The following KCNB2 variants were observed in gnomAD, a reference collection of about 807,000 sequenced individuals.
KCNB2 encodes the protein potassium voltage-gated channel subfamily B member 2.
In KCNB2, 15 loss-of-function variants were observed where a neutral mutation model predicts 61.5. The observed-to-expected ratio is 0.24, with a 90% CI of 0.16 to 0.38. The LOEUF (loss-of-function observed/expected upper bound fraction) is 0.38. Among genes scored for constraint, KCNB2 ranks in the 10% least tolerant of loss-of-function variants. The pLI is 1.00. For synonymous variants in KCNB2, 457 were observed against 446.0 expected (o/e 1.02, Z -0.31); for missense variants, 828 against 1,125.2 (o/e 0.74, Z 3.78).
At chr8:72,643,462 G>A (rs1056298955) in intron 2 of KCNB2, among the ~76,000 whole-genome samples, 3 of 152,032 alleles carry the variant, frequency 2.0e-5, no homozygotes, top group Admixed American at 6.6e-5. Context: ...GTTTCTTTCT[G>A]CCCATTTTGT....
At chr8:72,671,161 A>G (rs1806558638) in intron 2 of KCNB2, among the ~76,000 whole-genome samples, 1 of 152,182 alleles carries the variant, frequency 6.6e-6, no homozygotes, top group Non-Finnish European at 1.5e-5. Flanking sequence ...TGTTGCCTTC[A>G]CTACAGATAC....
intron 2 of KCNB2, among the ~76,000 whole-genome samples, chr8:72,791,321 A>G (rs759460173): frequency 3.3e-5 from 5 of 152,118 alleles, no homozygotes; most frequent in Non-Finnish European, 7.4e-5. Context: ...GGACCAAGTT[A>G]GGTGGATCAC....
At chr8:72,742,541 G>GC (rs1195515016) in intron 2 of KCNB2, among the ~76,000 whole-genome samples, 1 of 152,172 alleles carries the variant, frequency 6.6e-6, no homozygotes, top group African/African-American at 2.4e-5. Flanking sequence ...ACGCTGGCCT[G>GC]CTGCCTCTCT....
intron 2 of KCNB2, among the ~76,000 whole-genome samples, chr8:72,610,037 G>A (rs1319038329): frequency 1.3e-5 from 2 of 151,990 alleles, no homozygotes; most frequent in African/African-American, 4.8e-5. Flanking sequence ...ACCTTCTAAA[G>A]TGTAATCACT....
chr8:72,567,236 C>G (rs1242553928), intron 1 of KCNB2, among the ~76,000 whole-genome samples: 1 of 151,890 alleles, frequency 6.6e-6, no homozygotes, highest in African/African-American at 2.4e-5. Context: ...CATCTGAGCC[C>G]AAGAGATCAA....
intron 2 of KCNB2, among the ~76,000 whole-genome samples, chr8:72,705,614 G>A (rs1403714590): frequency 1.3e-5 from 2 of 152,228 alleles, no homozygotes; most frequent in Non-Finnish European, 2.9e-5. Context: ...AAGTTTGGGT[G>A]TAGTGTAGTG....
chr8:72,575,886 T>C (rs1806787251), intron 2 of KCNB2, among the ~76,000 whole-genome samples: 1 of 152,216 alleles, frequency 6.6e-6, no homozygotes, highest in Non-Finnish European at 1.5e-5. Flanking sequence ...TTAAAGAGTT[T>C]GAAATTCATA....
At chr8:72,914,855 C>A (rs143629161) in intron 2 of KCNB2, among the ~76,000 whole-genome samples, 1 of 151,424 alleles carries the variant, frequency 6.6e-6, no homozygotes, top group South Asian at 2.1e-4. Flanking sequence ...CATATCCTGA[C>A]GATTGAGGAG....
intron 2 of KCNB2, among the ~76,000 whole-genome samples, chr8:72,791,089 T>C (rs568531369): frequency 6.6e-6 from 1 of 152,194 alleles, no homozygotes; most frequent in African/African-American, 2.4e-5. Context: ...GGAGAGATTC[T>C]TAAAATGTGA....
chr8:72,685,733 T>G lies in KCNB2; in HGVS notation c.579+117420T>G, dbSNP rs377084706. Among the ~76,000 whole-genome samples, 887 of 152,316 alleles carry G rather than the reference T, an allele frequency of 5.8e-3. 11 individuals carry two copies. In the Middle Eastern group the frequency reaches 0.082, roughly 14 times the overall value. ...GGCCGGGTGCAGTGGCTCACGCCTG[T>G]AATCCCAGCACTTTGGGAGGCCGAG... On this transcript the variant is annotated intron_variant, in intron 2 of 2. Transcript: ENST00000523207.
intron 2 of KCNB2, among the ~76,000 whole-genome samples, chr8:72,668,669 A>G (rs915704294): frequency 7.2e-5 from 11 of 152,184 alleles, no homozygotes; most frequent in Admixed American, 5.9e-4. Flanking sequence ...ACCACCTGAC[A>G]TAAGTAGGTC....
intron 2 of KCNB2, among the ~76,000 whole-genome samples, chr8:72,656,731 A>C (rs796494536): frequency 6.6e-6 from 1 of 152,182 alleles, no homozygotes; most frequent in Admixed American, 6.6e-5. Context: ...GATGCAGACT[A>C]TCTTTTGTAT....
chr8:72,617,088 G>A (rs1339879685), intron 2 of KCNB2, among the ~76,000 whole-genome samples: 1 of 152,144 alleles, frequency 6.6e-6, no homozygotes, highest in Non-Finnish European at 1.5e-5. Flanking sequence ...ATAATAAAGG[G>A]TCACAGACAC....
chr8:72,917,632 G>T (rs974248589), intron 2 of KCNB2, among the ~76,000 whole-genome samples: 1 of 152,184 alleles, frequency 6.6e-6, no homozygotes, highest in African/African-American at 2.4e-5. Flanking sequence ...AAAGGAAAAA[G>T]ATGGTTATAT....
intron 2 of KCNB2, among the ~76,000 whole-genome samples, chr8:72,806,734 C>A (rs1049931192): frequency 5.3e-5 from 8 of 152,100 alleles, no homozygotes; most frequent in Admixed American, 2.0e-4. Flanking sequence ...CCAGTGTGCA[C>A]CTGAACCAGG....
intron 2 of KCNB2, among the ~76,000 whole-genome samples, chr8:72,604,490 T>G (rs1234870916): frequency 6.6e-6 from 1 of 152,176 alleles, no homozygotes; most frequent in Non-Finnish European, 1.5e-5. Context: ...CTCAGTTGCC[T>G]TATCTTGAAA....
chr8:72,579,311 T>A (rs183640145), intron 2 of KCNB2, among the ~76,000 whole-genome samples: 1 of 152,330 alleles, frequency 6.6e-6, no homozygotes, highest in Admixed American at 6.5e-5. Flanking sequence ...TGGTTGTAAA[T>A]CTTTTCATGA....
chr8:72,609,110 A>G (rs1164415499), intron 2 of KCNB2, among the ~76,000 whole-genome samples: 4 of 152,202 alleles, frequency 2.6e-5, no homozygotes, highest in Non-Finnish European at 4.4e-5. Context: ...TCATTTGTAA[A>G]GATAAGGAAA....
chr8:72,547,049 A>G (rs1041243842), intron 1 of KCNB2, among the ~76,000 whole-genome samples: 1 of 152,168 alleles, frequency 6.6e-6, no homozygotes, highest in African/African-American at 2.4e-5. Context: ...TGAGAATCCT[A>G]GGGTCCTTAA....
Sources: allele counts gnomAD v4.1 joint callset (sites outside exome capture counted in the v4.1 genomes callset), GRCh38; gene constraint gnomAD v4.1.1; transcripts MANE v1.5; gene names NCBI Gene and HGNC (gene_info 2026-07-23, HGNC 2026-07-21).